Variants in DUSP22 observed in about 807,000 individuals in gnomAD.
DUSP22 encodes dual specificity phosphatase 22, also known as dual specificity protein phosphatase 22.
In DUSP22, 24 loss-of-function variants were observed where a neutral mutation model predicts 24.5. The observed-to-expected ratio is 0.98, with a 90% confidence interval of 0.71 to 1.38. The LOEUF is 1.38. Among genes scored for constraint, DUSP22 ranks in the 40% most tolerant of loss-of-function variants. The probability of loss-of-function intolerance (pLI) is 0.00; values close to 1 mark genes in which losing one functional copy is unlikely to be tolerated. For missense variants in DUSP22, 330 were observed against 269.2 expected (o/e 1.23, Z -1.58); for synonymous variants, 160 against 106.4 (o/e 1.50, Z -3.10).
intron 4 of DUSP22, among the ~76,000 whole-genome samples, chr6:336,284 A>T (rs963433667): frequency 6.6e-6 from 1 of 152,310 alleles, no homozygotes; most frequent in Non-Finnish European, 1.5e-5. Context: ...GTGTTACTGC[A>T]TGTCACAGGG....
intron 4 of DUSP22, 29 bp from the exon 5 acceptor site, chr6:345,825 A>G: frequency 6.2e-7 from 1 of 1,612,654 alleles, no homozygotes; most frequent in African/African-American, 1.3e-5. Context: ...AAGTAGAGAG[A>G]TGTCATTTCT....
chr6:331,171 TA>T (rs1211620952), intron 3 of DUSP22, among the ~76,000 whole-genome samples: 6 of 152,424 alleles, frequency 3.9e-5, no homozygotes, highest in Admixed American at 3.9e-4. Context: ...ACTTGACGTT[TA>T]ATAGCCTCAT....
At chr6:348,680 T>C in intron 6 of DUSP22, 89 bp from the exon 7 acceptor site, 3 of 1,571,090 alleles carry the variant, frequency 1.9e-6, no homozygotes, top group African/African-American at 1.3e-5. Context: ...TGTGGCACCA[T>C]CTCTGTGGTG....
intron 3 of DUSP22, among the ~76,000 whole-genome samples, chr6:315,963 A>G (rs1758320393): frequency 6.6e-6 from 1 of 152,308 alleles, no homozygotes; most frequent in Non-Finnish European, 1.5e-5. Flanking sequence ...CCATAGGAAC[A>G]GAGCCTGTGG....
At chr6:339,323 G>GT (rs1759494260) in intron 4 of DUSP22, among the ~76,000 whole-genome samples, 1 of 152,298 alleles carries the variant, frequency 6.6e-6, no homozygotes, top group African/African-American at 2.4e-5. Context: ...ATCTCACAGG[G>GT]TTTTTTATAG....
intron 3 of DUSP22, among the ~76,000 whole-genome samples, chr6:313,331 G>A (rs1292393567): frequency 2.6e-5 from 4 of 152,298 alleles, no homozygotes; most frequent in Non-Finnish European, 5.9e-5. Flanking sequence ...CCTTAAATCT[G>A]CTCACATTGT....
At chr6:328,918 AT>A (rs1347901970) in intron 3 of DUSP22, among the ~76,000 whole-genome samples, 1 of 152,296 alleles carries the variant, frequency 6.6e-6, no homozygotes, top group Non-Finnish European at 1.5e-5. Flanking sequence ...TCCAGGTGTA[AT>A]CTTCCTTGGG....
At chr6:325,818 G>C in intron 3 of DUSP22, 1 of 191,318 alleles carries the variant, frequency 5.2e-6, no homozygotes, top group Non-Finnish European at 1.0e-5. Flanking sequence ...TGCCTGGAGA[G>C]TCATCTGCCC....
chr6:322,579 G>A (rs1380096643), intron 3 of DUSP22, among the ~76,000 whole-genome samples: 2 of 152,416 alleles, frequency 1.3e-5, no homozygotes, highest in African/African-American at 4.8e-5. Flanking sequence ...TGAATAGCAA[G>A]TCTGAAATGC....
intron 1 of DUSP22, among the ~76,000 whole-genome samples, chr6:297,256 A>G (rs1757377262): frequency 6.6e-6 from 1 of 152,310 alleles, no homozygotes; most frequent in Admixed American, 6.5e-5. Flanking sequence ...AATGAGGGTA[A>G]TGATACCTTC....
In DUSP22 at chr6:348,995, G is replaced by A. The variant is rs1760032472; in HGVS notation, c.*44G>A. Reference sequence around the variant, plus strand: ...TTCCTTCCCACTGCTTGTCTTCAGTGTGCCCGGCTGGGCAGGGGTGCGGTG... The same window carrying A: ...TTCCTTCCCACTGCTTGTCTTCAGTATGCCCGGCTGGGCAGGGGTGCGGTG... On this transcript the variant is annotated 3_prime_UTR_variant, in exon 7 of 7. Coordinates refer to ENST00000419235, the MANE Select transcript of DUSP22 (RefSeq NM_001286555.3). 1 of 1,551,134 alleles carries A rather than the reference G, an allele frequency of 6.4e-7. No homozygotes were observed. The highest frequency in any genetic ancestry group is 8.7e-7 in the Non-Finnish European group (1 of 1,147,104).
intron 1 of DUSP22, among the ~76,000 whole-genome samples, chr6:300,761 A>G (rs1368043285): frequency 1.3e-5 from 2 of 152,286 alleles, no homozygotes; most frequent in East Asian, 1.9e-4. Context: ...GCATTTATGC[A>G]TTTTTCCAGG....
chr6:330,240 C>A (rs1046397067), intron 3 of DUSP22, among the ~76,000 whole-genome samples: 1 of 152,296 alleles, frequency 6.6e-6, no homozygotes, highest in Admixed American at 6.5e-5. Flanking sequence ...GTTTCCATTG[C>A]GTGGTTTCCT....
At chr6:301,959 G>A in intron 1 of DUSP22, among the ~76,000 whole-genome samples, 2 of 152,426 alleles carry the variant, frequency 1.3e-5, no homozygotes, top group South Asian at 4.1e-4. Context: ...GCTTAGTAGA[G>A]AAGATAGTAG....
intron 3 of DUSP22, among the ~76,000 whole-genome samples, chr6:334,300 A>G (rs1393920188): frequency 6.6e-6 from 1 of 152,308 alleles, no homozygotes; most frequent in Non-Finnish European, 1.5e-5. Context: ...TCATCAGGCC[A>G]TAATCTCTTA....
intron 3 of DUSP22, among the ~76,000 whole-genome samples, chr6:312,711 G>T (rs562716838): frequency 2.0e-5 from 3 of 152,292 alleles, no homozygotes; most frequent in South Asian, 2.1e-4. Flanking sequence ...AAGAATCCTG[G>T]TTCAGGCTGT....
chr6:329,473 G>A (rs1165331749), intron 3 of DUSP22, among the ~76,000 whole-genome samples: 1 of 152,272 alleles, frequency 6.6e-6, no homozygotes, highest in African/African-American at 2.4e-5. Flanking sequence ...GCTTTTTTTT[G>A]AGACAGAGTC....
intron 3 of DUSP22, among the ~76,000 whole-genome samples, chr6:321,731 T>TA (rs796906597): frequency 2.9e-4 from 44 of 151,836 alleles, no homozygotes; most frequent in Middle Eastern, 3.4e-3. Flanking sequence ...GAAACTACAT[T>TA]AAAAAAAAAG....
Position 335,144 on chromosome 6 carries a change from G to A in DUSP22, c.169G>A (p.Asp57Asn), listed in dbSNP as rs773120223. The change falls in exon 4 of 7, where the codon GAT becomes AAT. Residue 57 changes from aspartate (D) to asparagine (N), a missense_variant. Asp to Asn is a conservative substitution (Grantham distance 23). Coordinates refer to ENST00000419235, the MANE Select transcript of DUSP22 (RefSeq NM_001286555.3). ...TAAATACCTGTGCATCCCAGCAGCG[G>A]ATTCACCATCTCAAAACCTGTAAGT... Reference protein sequence around the residue: ...GVKYLCIPAADSPSQNLTRHF... With the variant: ...GVKYLCIPAANSPSQNLTRHF... The A allele has an allele frequency of 3.5e-5, 57 of 1,613,736 alleles. No individual in the cohort carries two copies. The highest frequency in any genetic ancestry group is 1.6e-4 in the Middle Eastern group (1 of 6,084).
Sources: allele counts gnomAD v4.1 joint callset (sites outside exome capture counted in the v4.1 genomes callset), GRCh38; gene constraint gnomAD v4.1.1; transcripts MANE v1.5; gene names NCBI Gene and HGNC (gene_info 2026-07-23, HGNC 2026-07-21).